Variants in RANBP9 observed in about 807,000 individuals in gnomAD.
RANBP9 encodes RAN binding protein 9.
A neutral mutation model predicts 84.3 loss-of-function variants in RANBP9; 15 were observed. The observed-to-expected ratio is 0.18, with a 90% CI of 0.12 to 0.27. The LOEUF is 0.27. Among genes scored for constraint, RANBP9 ranks in the 10% least tolerant of loss-of-function variants. The pLI is 1.00. For synonymous variants in RANBP9, 392 were observed against 349.6 expected, an observed-to-expected ratio of 1.12 and a Z score of -1.35; for missense variants, 809 against 912.8, an observed-to-expected ratio of 0.89 and a Z score of 1.46.
At chr6:13,703,414 G>A (rs1367960998) in intron 1 of RANBP9, among the ~76,000 whole-genome samples, 1 of 152,138 alleles carries the variant, frequency 6.6e-6, no homozygotes, top group Non-Finnish European at 1.5e-5. Context: ...ATCAATTATG[G>A]TTAACTGCCA....
chr6:13,690,294 T>C (rs371694244), intron 2 of RANBP9, among the ~76,000 whole-genome samples: 3 of 152,252 alleles, frequency 2.0e-5, no homozygotes, highest in Non-Finnish European at 2.9e-5. Context: ...GTTCAACATA[T>C]ATTTGTTAAA....
chr6:13,672,691 C>T (rs924202467), intron 2 of RANBP9, among the ~76,000 whole-genome samples: 3 of 151,890 alleles, frequency 2.0e-5, no homozygotes, highest in Non-Finnish European at 4.4e-5. Context: ...AAGCAAGCAT[C>T]GAAACCAAAC....
At position 13,686,473 on chromosome 6, in the gene RANBP9, C is replaced by T. The variant is rs748417405; in HGVS notation, c.683+10312G>A. 8.3e-4 allele frequency among the ~76,000 whole-genome samples: 126 copies of T among 151,730 alleles called. 2 individuals are homozygous for T. Among genetic ancestry groups the T allele is most frequent in the Non-Finnish European group, 1.5e-3 (100 of 67,902 alleles). On this transcript the variant is annotated intron_variant, in intron 2 of 13. Transcript: ENST00000011619. ...TATTTTTTTGTATTTTGGGTAGAGA[C>T]AGGGTTTTACCATGTTGGCCAGGCT...
At chr6:13,666,760 A>AAACAAC (rs375520211) in intron 2 of RANBP9, among the ~76,000 whole-genome samples, 1 of 151,874 alleles carries the variant, frequency 6.6e-6, no homozygotes, top group Admixed American at 6.6e-5. Context: ...CCTTGTCTCA[A>AAACAAC]AACAACAACA....
chr6:13,634,437 C>T lies in RANBP9; in HGVS notation c.1789G>A (p.Glu597Lys), dbSNP rs372510479. The change falls in exon 11 of 14, where the codon GAA becomes AAA. Residue 597 changes from glutamate (E) to lysine (K), a missense_variant. Physicochemically the swap from Glu to Lys is moderately conservative, Grantham distance 56. Transcript: ENST00000011619. ...AAGAAATATCACTGCAGACCCATTT[C>T]GGTGTCACAATCTTCCATTTCGTGG... ...HDHEMEDCDT[E>K]MEVDSSQLRR... The T allele has an allele frequency of 2.2e-5, 36 of 1,613,150 alleles. No homozygotes were observed. Among genetic ancestry groups the T allele is most frequent in the South Asian group, 1.1e-4 (10 of 91,022 alleles).
At chr6:13,660,204 G>A (rs778622958) in intron 2 of RANBP9, among the ~76,000 whole-genome samples, 1 of 152,166 alleles carries the variant, frequency 6.6e-6, no homozygotes, top group African/African-American at 2.4e-5. Flanking sequence ...GATAACTGGA[G>A]AGCATAAAAA....
At position 13,674,035 on chromosome 6, in the gene RANBP9, G is replaced by A. The variant is rs186315635; in HGVS notation, c.684-15203C>T. Among the ~76,000 whole-genome samples the A allele has an allele frequency of 3.2e-4, 49 of 150,894 alleles. 1 individual carries two copies. In the South Asian group the frequency reaches 5.4e-3, roughly 17 times the overall value. ...GGAAGTCAAGGCTGCAGTGAGCTGAGATCCCGCCACTGCACTCCAGCCTGG... is the reference window on the plus strand; with the variant it reads ...GGAAGTCAAGGCTGCAGTGAGCTGAAATCCCGCCACTGCACTCCAGCCTGG... On this transcript the variant is annotated intron_variant, in intron 2 of 13. Coordinates refer to ENST00000011619, the MANE Select transcript of RANBP9 (RefSeq NM_005493.3).
intron 7 of RANBP9, among the ~76,000 whole-genome samples, chr6:13,641,988 G>A (rs1584918232): frequency 1.3e-5 from 2 of 152,184 alleles, no homozygotes; most frequent in Non-Finnish European, 2.9e-5. Context: ...GCTAACTATG[G>A]ACCAGTTATG....
chr6:13,647,888 T>C (rs1765208350), intron 5 of RANBP9, among the ~76,000 whole-genome samples: 1 of 152,146 alleles, frequency 6.6e-6, no homozygotes, highest in Non-Finnish European at 1.5e-5. Context: ...AGTCCTTAAC[T>C]TGCTATATTA....
rs1471851471 is a variant in RANBP9 at position 13,696,861 on chromosome 6, G to T, written c.607C>A (p.Arg203=). Residue 203 remains arginine (R), a synonymous_variant, in exon 2 of 14, where the codon CGA becomes AGA. Transcript: ENST00000011619. Reference sequence around the variant, plus strand: ...GCTGCTGGTATTGGATGCGTGGCTCGAACTGACGCGGCATCTTTTGGGGTT... The same window carrying T: ...GCTGCTGGTATTGGATGCGTGGCTCTAACTGACGCGGCATCTTTTGGGGTT... ...GKTPKDAASV[R]ATHPIPAACG... 6.2e-7 allele frequency: 1 copy of T among 1,613,108 alleles called. No homozygotes were observed. Among genetic ancestry groups the T allele is most frequent in the African/African-American group, 1.3e-5 (1 of 74,860 alleles).
Position 13,653,698 on chromosome 6 carries a change from T to TA in RANBP9, c.905-1018dup, listed in dbSNP as rs1486193951. On this transcript the variant is annotated intron_variant, in intron 4 of 13. Coordinates refer to ENST00000011619, the MANE Select transcript of RANBP9 (RefSeq NM_005493.3). ...ATCTAACTCTATTTATTAATAAAGT[T>TA]AAAAGACAAACTGAAAATAAATTTT... Among the ~76,000 whole-genome samples the TA allele has an allele frequency of 2.0e-5, 3 of 152,250 alleles. No homozygotes were observed. The South Asian group carries it at 6.2e-4, about 31-fold the overall frequency.
At position 13,711,341 on chromosome 6, in the gene RANBP9, C is replaced by T. The variant is rs1758277329; in HGVS notation, c.165G>A (p.Ala55=). The stretch of plus-strand genomic sequence containing the variant: ...CCGCGGCCCCTAAGCCTTCGCCGCC[C>T]GCACCGCCGCCGGGCGAGCCGGCCG... ...SSPAGSPGGG[A]GGEGLGAAAA... Residue 55 remains alanine (A), a synonymous_variant, in exon 1 of 14, where the codon GCG becomes GCA. Coordinates refer to ENST00000011619, the MANE Select transcript of RANBP9 (RefSeq NM_005493.3). 1 of 1,128,522 alleles carries T rather than the reference C, an allele frequency of 8.9e-7. No individual in the cohort carries two copies. The highest frequency in any genetic ancestry group is 5.0e-5 in the Admixed American group (1 of 20,176). The allele number at this position is 1,128,522 out of a possible 1,614,324, so 69.9% of individuals were successfully genotyped here.
chr6:13,665,525 A>G (rs538500032), intron 2 of RANBP9, among the ~76,000 whole-genome samples: 41 of 152,314 alleles, frequency 2.7e-4, no homozygotes, highest in African/African-American at 7.5e-4. Context: ...AGGAACTTTC[A>G]TATGTTTTTG....
chr6:13,678,060 G>A (rs979714416), intron 2 of RANBP9, among the ~76,000 whole-genome samples: 1 of 152,174 alleles, frequency 6.6e-6, no homozygotes, highest in African/African-American at 2.4e-5. Flanking sequence ...CAAGGCTGCA[G>A]TGAACAGTGA....
At position 13,711,468 on chromosome 6, in the gene RANBP9, T is replaced by TGCTGCTGCGGCGGCGGCGGCG. The variant is rs1758284698; in HGVS notation, c.17_37dup (p.Pro6_Gln12dup). On this transcript the variant is annotated inframe_insertion, in exon 1 of 14. Coordinates refer to ENST00000011619, the MANE Select transcript of RANBP9 (RefSeq NM_005493.3). ...CGGCGACAGCTGCTGCTGCTGTTGC[T>TGCTGCTGCGGCGGCGGCGGCG]GCTGCTGCGGCGGCGGCGGCGGCGG... 1 of 1,238,350 alleles carries TGCTGCTGCGGCGGCGGCGGCG rather than the reference T, an allele frequency of 8.1e-7. No individual in the cohort carries two copies. Among genetic ancestry groups the TGCTGCTGCGGCGGCGGCGGCG allele is most frequent in the Non-Finnish European group, 1.0e-6 (1 of 991,048 alleles). 76.7% of individuals were successfully genotyped at this position (1,238,350 alleles called of 1,614,324 possible).
At chr6:13,677,604 G>A (rs1038878462) in intron 2 of RANBP9, among the ~76,000 whole-genome samples, 4 of 152,092 alleles carry the variant, frequency 2.6e-5, no homozygotes, top group Non-Finnish European at 4.4e-5. Flanking sequence ...ACTAGTATAC[G>A]TATATCTATT....
At chr6:13,672,760 C>T (rs1012030378) in intron 2 of RANBP9, among the ~76,000 whole-genome samples, 3 of 151,264 alleles carry the variant, frequency 2.0e-5, no homozygotes, top group Admixed American at 6.6e-5. Flanking sequence ...CATTAAAATG[C>T]TAAGGGCTAT....
In RANBP9 at chr6:13,705,980, G is replaced by A. The variant is rs138792751; in HGVS notation, c.571+4955C>T. Among the ~76,000 whole-genome samples the A allele has an allele frequency of 7.9e-3, 1,196 of 151,948 alleles. 13 individuals are homozygous for A. Among genetic ancestry groups the A allele is most frequent in the African/African-American group, 0.027 (1,116 of 41,408 alleles). On this transcript the variant is annotated intron_variant, in intron 1 of 13. Coordinates refer to ENST00000011619, the MANE Select transcript of RANBP9 (RefSeq NM_005493.3). ...ATCTGTTCAAACTTAAAAAGTGCAA[G>A]AAATTAGATAAGCAATTATATTTAG...
At chr6:13,694,322 T>C (rs1766390987) in intron 2 of RANBP9, among the ~76,000 whole-genome samples, 1 of 152,218 alleles carries the variant, frequency 6.6e-6, no homozygotes, top group Admixed American at 6.5e-5. Flanking sequence ...AAATTAGATT[T>C]AAAAGGACTG....
Sources: allele counts gnomAD v4.1 joint callset (sites outside exome capture counted in the v4.1 genomes callset), GRCh38; gene constraint gnomAD v4.1.1; transcripts MANE v1.5; gene names NCBI Gene and HGNC (gene_info 2026-07-23, HGNC 2026-07-21).